The following NSMCE2 variants were observed in gnomAD, a reference collection of about 807,000 sequenced individuals.
NSMCE2 encodes the protein E3 SUMO-protein ligase NSE2.
Under a neutral mutation model 23.8 loss-of-function variants are expected in NSMCE2, and 24 were observed. The ratio of observed to expected loss-of-function variants is 1.01; its 90% CI spans 0.73 to 1.42. The LOEUF is 1.42. Among genes scored for constraint, NSMCE2 ranks in the 40% most tolerant of loss-of-function variants. The pLI is 0.00. For synonymous variants in NSMCE2, 92 were observed against 94.1 expected (o/e 0.98, Z 0.13); for missense variants, 284 against 296.5 (o/e 0.96, Z 0.31).
intron 5 of NSMCE2, among the ~76,000 whole-genome samples, chr8:125,322,646 G>C (rs1338087848): frequency 6.6e-6 from 1 of 152,088 alleles, no homozygotes. Flanking sequence ...AAGCAATAAA[G>C]GCATCCATTG....
At chr8:125,125,209 C>T (rs1407423050) in intron 3 of NSMCE2, among the ~76,000 whole-genome samples, 1 of 151,986 alleles carries the variant, frequency 6.6e-6, no homozygotes, top group East Asian at 1.9e-4. Context: ...ACCTGCAGTA[C>T]AATGTTGAGT....
intron 4 of NSMCE2, among the ~76,000 whole-genome samples, chr8:125,180,690 C>T (rs1822762999): frequency 6.6e-6 from 1 of 152,152 alleles, no homozygotes; most frequent in Non-Finnish European, 1.5e-5. Context: ...CATTTGACTT[C>T]TTTCTAAATC....
chr8:125,124,943 C>T (rs185081891), intron 3 of NSMCE2, among the ~76,000 whole-genome samples: 20 of 151,966 alleles, frequency 1.3e-4, no homozygotes, highest in African/African-American at 4.3e-4. Flanking sequence ...TACAGGTGCC[C>T]GCCATCACAC....
chr8:125,147,054 A>G (rs990550109), intron 3 of NSMCE2, among the ~76,000 whole-genome samples: 69 of 152,134 alleles, frequency 4.5e-4, no homozygotes, highest in African/African-American at 1.6e-3. Flanking sequence ...ATGTTTTATC[A>G]TCTGCACTGA....
intron 5 of NSMCE2, among the ~76,000 whole-genome samples, chr8:125,193,958 A>G (rs1258384960): frequency 6.6e-6 from 1 of 152,180 alleles, no homozygotes; most frequent in Non-Finnish European, 1.5e-5. Flanking sequence ...TCCTTGAAAT[A>G]TCAGAAAGTG....
intron 5 of NSMCE2, among the ~76,000 whole-genome samples, chr8:125,320,811 C>A (rs1253155087): frequency 6.6e-6 from 1 of 152,000 alleles, no homozygotes; most frequent in African/African-American, 2.4e-5. Flanking sequence ...AAAAAAAATA[C>A]CTGAGACTGG....
intron 5 of NSMCE2, among the ~76,000 whole-genome samples, chr8:125,344,389 A>G (rs1173707810): frequency 6.6e-6 from 1 of 152,180 alleles, no homozygotes; most frequent in Non-Finnish European, 1.5e-5. Flanking sequence ...TCACCCACAC[A>G]GGATGGACTG....
intron 5 of NSMCE2, among the ~76,000 whole-genome samples, chr8:125,261,102 C>A (rs16900487): frequency 6.6e-6 from 1 of 152,042 alleles, no homozygotes; most frequent in Admixed American, 6.6e-5. Flanking sequence ...TACTGTTTTG[C>A]GAATCAACCA....
chr8:125,309,598 G>A (rs541465898), intron 5 of NSMCE2, among the ~76,000 whole-genome samples: 12 of 152,100 alleles, frequency 7.9e-5, no homozygotes, highest in African/African-American at 2.9e-4. Context: ...GGTGGCACAT[G>A]CTTGCAGTCC....
intron 4 of NSMCE2, among the ~76,000 whole-genome samples, chr8:125,164,177 C>T (rs1821758662): frequency 6.6e-6 from 1 of 152,164 alleles, no homozygotes; most frequent in African/African-American, 2.4e-5. Context: ...GGTGAGAAGC[C>T]CTTTCAGGTC....
intron 4 of NSMCE2, among the ~76,000 whole-genome samples, chr8:125,165,634 ATC>A (rs1296412771): frequency 6.6e-6 from 1 of 152,204 alleles, no homozygotes; most frequent in African/African-American, 2.4e-5. Flanking sequence ...AAGTAATTTA[ATC>A]TCTCTAATCA....
At chr8:125,207,501 C>T (rs1163014898) in intron 5 of NSMCE2, among the ~76,000 whole-genome samples, 1 of 151,766 alleles carries the variant, frequency 6.6e-6, no homozygotes, top group Non-Finnish European at 1.5e-5. Context: ...GAATGATTTT[C>T]AGTGGCTGTA....
chr8:125,163,818 A>C (rs960289888), intron 4 of NSMCE2, among the ~76,000 whole-genome samples: 5 of 152,224 alleles, frequency 3.3e-5, no homozygotes, highest in African/African-American at 9.6e-5. Flanking sequence ...ATTCTGGAAC[A>C]CAGTTTCCCA....
chr8:125,333,505 C>CTTTTT lies in NSMCE2; in HGVS notation c.419-23691_419-23687dup, dbSNP rs71295847. Reference sequence around the variant, plus strand: ...TTCTAATGTAGTTTTCCTGGTGGTTCTTTTTTTTTTTTTTTTTTTTTTTTT... The same window carrying CTTTTT: ...TTCTAATGTAGTTTTCCTGGTGGTTCTTTTTTTTTTTTTTTTTTTTTTTTTTTTTT... On this transcript the variant is annotated intron_variant, in intron 5 of 7. Coordinates refer to ENST00000287437, the MANE Select transcript of NSMCE2 (RefSeq NM_173685.4). Among the ~76,000 whole-genome samples, 41 of 45,628 alleles carry CTTTTT rather than the reference C, an allele frequency of 9.0e-4. 9 individuals are homozygous for CTTTTT. The highest frequency in any genetic ancestry group is 2.5e-3 in the African/African-American group (26 of 10,594). 29.9% of individuals were successfully genotyped at this position (45,628 alleles called of 152,430 possible).
intron 5 of NSMCE2, among the ~76,000 whole-genome samples, chr8:125,223,667 T>C (rs564678174): frequency 1.3e-3 from 191 of 152,360 alleles, no homozygotes; most frequent in African/African-American, 4.3e-3. Flanking sequence ...ATAGCCATTC[T>C]AACAGATGTG....
chr8:125,349,297 C>T (rs557930896), intron 5 of NSMCE2, among the ~76,000 whole-genome samples: 2 of 152,278 alleles, frequency 1.3e-5, no homozygotes, highest in African/African-American at 4.8e-5. Context: ...CCCAAATTTT[C>T]CAAGCACCAG....
intron 4 of NSMCE2, among the ~76,000 whole-genome samples, chr8:125,152,077 A>T (rs1479817899): frequency 6.6e-6 from 1 of 152,232 alleles, no homozygotes; most frequent in Non-Finnish European, 1.5e-5. Flanking sequence ...TTTTTAAATC[A>T]TGTTTAATAC....
intron 5 of NSMCE2, among the ~76,000 whole-genome samples, chr8:125,296,113 A>G (rs1470858417): frequency 6.6e-6 from 1 of 152,216 alleles, no homozygotes; most frequent in East Asian, 1.9e-4. Flanking sequence ...AGGCATTATA[A>G]TAGCCTTGCA....
chr8:125,235,824 T>TG (rs1202962060), intron 5 of NSMCE2, among the ~76,000 whole-genome samples: 1 of 152,250 alleles, frequency 6.6e-6, no homozygotes, highest in East Asian at 1.9e-4. Flanking sequence ...TCTCTACTCT[T>TG]GGTGCATTTA....
Sources: gnomAD v4.1 joint callset for allele counts (sites outside exome capture counted in the v4.1 genomes callset) on GRCh38, gnomAD v4.1.1 for gene constraint, MANE v1.5 for transcripts, NCBI Gene and HGNC (gene_info 2026-07-23, HGNC 2026-07-21) for gene names.